HGD: variants seen among roughly 807,000 people sequenced by gnomAD.
The protein encoded by HGD is homogentisate oxidase.
In HGD, 61 loss-of-function variants were observed where a neutral mutation model predicts 60.8. The observed-to-expected ratio is 1.00, with a 90% CI of 0.82 to 1.24. The LOEUF (loss-of-function observed/expected upper bound fraction) is 1.24. Among genes scored for constraint, HGD ranks in the 50% most tolerant of loss-of-function variants. HGD has a pLI of 0.00. For synonymous variants in HGD, 212 were observed against 187.7 expected (o/e 1.13, Z -1.06); for missense variants, 542 against 547.1 (o/e 0.99, Z 0.09).
At chr3:120,679,566 T>C (rs530086412) in intron 1 of HGD, among the ~76,000 whole-genome samples, 1 of 152,266 alleles carries the variant, frequency 6.6e-6, no homozygotes, top group East Asian at 1.9e-4. Context: ...ATTAAGGATC[T>C]TGGGATGGGG....
In HGD at chr3:120,663,516, G is replaced by A. The variant is rs150148370; in HGVS notation, c.282+6911C>T. On this transcript the variant is annotated intron_variant, in intron 4 of 13. Coordinates refer to ENST00000283871, the MANE Select transcript of HGD (RefSeq NM_000187.4). ...TCCCACCAGGTCCCTCCCGTAACACGTGGGAATTCAAGATGAGATTTGGGT... is the reference window on the plus strand; with the variant it reads ...TCCCACCAGGTCCCTCCCGTAACACATGGGAATTCAAGATGAGATTTGGGT... Among the ~76,000 whole-genome samples the A allele has an allele frequency of 4.1e-3, 627 of 152,248 alleles. 3 individuals are homozygous for A. Among genetic ancestry groups the A allele is most frequent in the African/African-American group, 0.014 (591 of 41,550 alleles).
intron 4 of HGD, among the ~76,000 whole-genome samples, chr3:120,666,940 A>G (rs1707911639): frequency 6.6e-6 from 1 of 151,928 alleles, no homozygotes; most frequent in Non-Finnish European, 1.5e-5. Context: ...TATATACTTG[A>G]CTCTCACTTA....
chr3:120,632,367 G>T (rs1275927005), intron 13 of HGD, among the ~76,000 whole-genome samples: 1 of 152,102 alleles, frequency 6.6e-6, no homozygotes, highest in Admixed American at 6.6e-5. Context: ...TACTCCCTGT[G>T]GACCATAAAC....
chr3:120,643,474 C>G (rs16849176), intron 10 of HGD, among the ~76,000 whole-genome samples: 12,504 of 152,164 alleles, frequency 0.082, 727 homozygotes, highest in Middle Eastern at 0.16. Flanking sequence ...ATGCAAATAG[C>G]CCCCGAATTT....
intron 6 of HGD, among the ~76,000 whole-genome samples, chr3:120,650,177 TAC>T (rs1301939175): frequency 6.6e-6 from 1 of 152,228 alleles, no homozygotes; most frequent in African/African-American, 2.4e-5. Context: ...AACCTGCAAC[TAC>T]AGAGTTTCTA....
chr3:120,662,148 T>G (rs1707786938), intron 4 of HGD, among the ~76,000 whole-genome samples: 1 of 152,118 alleles, frequency 6.6e-6, no homozygotes, highest in South Asian at 2.1e-4. Context: ...AAGGCTGTGA[T>G]AGTGAATCAG....
chr3:120,675,390 G>A (rs562499058), intron 2 of HGD, among the ~76,000 whole-genome samples: 1 of 150,502 alleles, frequency 6.6e-6, no homozygotes, highest in Non-Finnish European at 1.5e-5. Context: ...AAAAAGTTTT[G>A]AAAATATTTT....
intron 12 of HGD, 117 bp downstream of exon 12, chr3:120,638,338 G>T: frequency 7.9e-7 from 1 of 1,267,024 alleles, no homozygotes; most frequent in Non-Finnish European, 1.2e-6. Context: ...GCAGGATCCT[G>T]AATTCATGCC....
chr3:120,648,864 G>T (rs138568677), intron 6 of HGD, among the ~76,000 whole-genome samples: 112 of 152,242 alleles, frequency 7.4e-4, no homozygotes, highest in African/African-American at 2.7e-3. Context: ...GACTATTTTT[G>T]TCAACAATAA....
Position 120,671,264 on chromosome 3 carries a change from C to A in HGD, c.177-732G>T, listed in dbSNP as rs939409892. 2.0e-5 allele frequency among the ~76,000 whole-genome samples: 3 copies of A among 152,266 alleles called. No individual in the cohort carries two copies. The East Asian group carries it at 5.8e-4, about 29-fold the overall frequency. ...TGTGAGAGTGCCTGGTCACCCACAT[C>A]TTCACAAATCTGGAGTATTATTAAA... On this transcript the variant is annotated intron_variant, in intron 3 of 13. Coordinates refer to ENST00000283871, the MANE Select transcript of HGD (RefSeq NM_000187.4).
At chr3:120,656,492 G>C (rs1458407073) in intron 4 of HGD, among the ~76,000 whole-genome samples, 1 of 151,884 alleles carries the variant, frequency 6.6e-6, no homozygotes, top group Non-Finnish European at 1.5e-5. Flanking sequence ...TGACTGAATA[G>C]ATGAATAAAT....
Position 120,674,916 on chromosome 3 carries a change from C to T in HGD, c.161G>A (p.Ser54Asn), listed in dbSNP as rs376541815. Reference sequence around the variant, plus strand: ...ATCCTTGTACCTTCTCTTATTGGTGCTCCGTGGACAAGTGAAAGCCGATCC... The same window carrying T: ...ATCCTTGTACCTTCTCTTATTGGTGTTCCGTGGACAAGTGAAAGCCGATCC... ...LSGSAFTCPR[S>N]TNKRSWLYRI... The change falls in exon 3 of 14, where the codon AGC (serine) becomes AAC (asparagine). Residue 54 changes from serine to asparagine, a missense_variant. Transcript: ENST00000283871. The T allele has an allele frequency of 1.7e-5, 27 of 1,608,446 alleles. No homozygotes were observed. Among genetic ancestry groups the T allele is most frequent in the Middle Eastern group, 1.7e-4 (1 of 6,056 alleles).
At chr3:120,659,125 A>T (rs2113470) in intron 4 of HGD, among the ~76,000 whole-genome samples, 128,783 of 152,284 alleles carry the variant, frequency 0.85, 55,293 homozygotes, top group East Asian at 0.98. Context: ...TTCTGCAGCC[A>T]GTTTGAATTC....
At chr3:120,639,854 C>A (rs1200703587) in intron 11 of HGD, among the ~76,000 whole-genome samples, 2 of 151,482 alleles carry the variant, frequency 1.3e-5, no homozygotes, top group African/African-American at 4.9e-5. Flanking sequence ...GGTTGAGGGA[C>A]GAAATTATAC....
In HGD at chr3:120,646,355, C is replaced by T. The variant is rs1436826620; in HGVS notation, c.561G>A (p.Arg187=). Residue 187 remains arginine, a synonymous_variant, in exon 9 of 14, where the codon CGG becomes CGA. Transcript: ENST00000283871. The part of the protein sequence containing the change: ...NEICVIQRGM[R]FSIDVFEETR... ...TCTCCTCAAAGACATCTATGCTGAA[C>T]CGCATTCCTCTCTGGAATGGAAAGC... 13 of 1,609,184 alleles carry T rather than the reference C, an allele frequency of 8.1e-6. No individual in the cohort carries two copies. Among genetic ancestry groups the T allele is most frequent in the Admixed American group, 1.7e-5 (1 of 59,966 alleles).
In HGD at chr3:120,674,894, C is replaced by CTTG. The variant is rs748876438; in HGVS notation, c.176+4_176+6dup. ...TCTGCAGGTCAGAATTCATCTAATC[C>CTTG]TTGTACCTTCTCTTATTGGTGCTCC... On this transcript the variant is annotated splice_region_variant and intron_variant, in intron 3 of 13. Coordinates refer to ENST00000283871, the MANE Select transcript of HGD (RefSeq NM_000187.4). The CTTG allele has an allele frequency of 1.3e-6, 2 of 1,591,210 alleles. No homozygotes were observed. Among genetic ancestry groups the CTTG allele is most frequent in the Non-Finnish European group, 1.7e-6 (2 of 1,159,736 alleles).
At chr3:120,647,138 G>T in intron 7 of HGD, 86 bp from the exon 8 acceptor site, 1 of 1,025,328 alleles carries the variant, frequency 9.8e-7, no homozygotes, top group South Asian at 1.3e-5. Context: ...GGCTGCATTT[G>T]CTTTTCCATT....
intron 8 of HGD, among the ~76,000 whole-genome samples, 190 bp downstream of exon 8, chr3:120,646,783 A>C (rs1003867971): frequency 6.6e-6 from 1 of 152,200 alleles, no homozygotes; most frequent in African/African-American, 2.4e-5. Flanking sequence ...ATTATGTGCT[A>C]TATTAAAAGA....
At chr3:120,675,085 G>T in intron 2 of HGD, 96 bp from the exon 3 acceptor site, 1 of 815,520 alleles carries the variant, frequency 1.2e-6, no homozygotes. Context: ...GATGCTCTGG[G>T]CGACTGCACA....
Sources: allele counts gnomAD v4.1 joint callset (sites outside exome capture counted in the v4.1 genomes callset), GRCh38; gene constraint gnomAD v4.1.1; transcripts MANE v1.5; gene names NCBI Gene and HGNC (gene_info 2026-07-23, HGNC 2026-07-21).